TNNI3K: variants seen among roughly 807,000 people sequenced by gnomAD.
TNNI3K encodes TNNI3 interacting kinase.
A neutral mutation model predicts 114.5 loss-of-function variants in TNNI3K; 140 were observed. The ratio of observed to expected loss-of-function variants is 1.22; its 90% confidence interval spans 1.07 to 1.41. The LOEUF (loss-of-function observed/expected upper bound fraction) is 1.41, where lower values mean the gene tolerates loss of function less well. Among genes scored for constraint, TNNI3K ranks in the 40% most tolerant of loss-of-function variants. TNNI3K has a pLI of 0.00. For missense variants in TNNI3K, 1,125 were observed against 1,007.6 expected (o/e 1.12, Z -1.58); for synonymous variants, 347 against 347.5 (o/e 1.00, Z 0.02).
chr1:74,240,643 T>C (rs1654132966), intron 2 of TNNI3K: 1 of 152,218 alleles, frequency 6.6e-6, no homozygotes, highest in Non-Finnish European at 1.5e-5. Flanking sequence ...TTTGTTTCAA[T>C]AGTTTTTATC....
chr1:74,491,633 C>G (rs536385125), intron 22 of TNNI3K, among the ~76,000 whole-genome samples: 2 of 152,246 alleles, frequency 1.3e-5, no homozygotes, highest in African/African-American at 2.4e-5. Flanking sequence ...CACATTAAAG[C>G]ATTTTTCGTC....
chr1:74,355,418 A>T (rs1294880797), intron 11 of TNNI3K, among the ~76,000 whole-genome samples: 1 of 152,086 alleles, frequency 6.6e-6, no homozygotes, highest in Non-Finnish European at 1.5e-5. Context: ...AGCCTGGCCA[A>T]CATGGTGAAA....
chr1:74,439,369 A>G, intron 19 of TNNI3K, 121 bp from the exon 20 acceptor site: 1 of 1,453,610 alleles, frequency 6.9e-7, no homozygotes, highest in Non-Finnish European at 9.2e-7. Context: ...ATGTTAATTT[A>G]TATTTATGCC....
chr1:74,467,006 C>T (rs1336968938), intron 21 of TNNI3K, among the ~76,000 whole-genome samples: 2 of 152,160 alleles, frequency 1.3e-5, no homozygotes, highest in Non-Finnish European at 2.9e-5. Flanking sequence ...TATACTAAAA[C>T]AATACTACTC....
intron 16 of TNNI3K, 65 bp from the exon 17 acceptor site, chr1:74,370,220 ACAT>A: frequency 1.5e-6 from 2 of 1,363,350 alleles, no homozygotes; most frequent in Admixed American, 2.3e-5. Context: ...CAACTCTTAC[ACAT>A]CATTTGCTTT....
intron 15 of TNNI3K, 31 bp downstream of exon 15, chr1:74,369,295 C>A (rs1376102782): frequency 6.2e-7 from 1 of 1,610,460 alleles, no homozygotes; most frequent in East Asian, 2.2e-5. Flanking sequence ...ATTTAACATC[C>A]AGGTGGAATT....
Position 74,369,142 on chromosome 1 carries a change from G to T in TNNI3K, c.1414+28G>T, listed in dbSNP as rs1342411813. ...AACCTAAAATAAATAAATAAATAAAGGTCCGGTTTAGTTGAATGAGCTTAA... is the reference window on the plus strand; with the variant it reads ...AACCTAAAATAAATAAATAAATAAATGTCCGGTTTAGTTGAATGAGCTTAA... On this transcript the variant is annotated intron_variant, in intron 14 of 24. Coordinates refer to ENST00000326637, the MANE Select transcript of TNNI3K (RefSeq NM_015978.3). 1.9e-6 allele frequency: 3 copies of T among 1,596,200 alleles called. No homozygotes were observed. In the African/African-American group the frequency reaches 4.1e-5, roughly 22 times the overall value.
At chr1:74,326,555 T>G (rs1014788243) in intron 5 of TNNI3K, among the ~76,000 whole-genome samples, 1 of 152,206 alleles carries the variant, frequency 6.6e-6, no homozygotes, top group African/African-American at 2.4e-5. Flanking sequence ...TCCTTTTACC[T>G]GGAGTCAAAA....
intron 11 of TNNI3K, among the ~76,000 whole-genome samples, chr1:74,355,728 A>G (rs1330369465): frequency 1.3e-5 from 2 of 152,186 alleles, no homozygotes; most frequent in South Asian, 2.1e-4. Context: ...GCATGCAGTA[A>G]GCGTATAGAC....
At chr1:74,287,458 C>A (rs1657403472) in intron 5 of TNNI3K, among the ~76,000 whole-genome samples, 1 of 152,026 alleles carries the variant, frequency 6.6e-6, no homozygotes, top group Non-Finnish European at 1.5e-5. Context: ...TTTGAAAGCA[C>A]CATGAGAAAA....
At chr1:74,263,715 G>A (rs1655807521) in intron 4 of TNNI3K, among the ~76,000 whole-genome samples, 1 of 151,896 alleles carries the variant, frequency 6.6e-6, no homozygotes, top group Admixed American at 6.6e-5. Flanking sequence ...ATAAGATTGG[G>A]CAATATTTGA....
At chr1:74,456,969 T>G (rs974889628) in intron 20 of TNNI3K, among the ~76,000 whole-genome samples, 1 of 152,120 alleles carries the variant, frequency 6.6e-6, no homozygotes, top group Admixed American at 6.6e-5. Flanking sequence ...GCCATTTGAG[T>G]TTACTACCCC....
chr1:74,240,133 A>G lies in TNNI3K; in HGVS notation c.149+3923A>G. ...GTTGTTTTTATCCATTTATAGGTCT[A>G]TCTCCCCACTAGTATATGTGTTCAT... is the stretch of plus-strand genomic sequence containing the variant. On this transcript the variant is annotated intron_variant, in intron 2 of 24. Coordinates refer to ENST00000326637, the MANE Select transcript of TNNI3K (RefSeq NM_015978.3). 4 of 264,662 alleles carry G rather than the reference A, an allele frequency of 1.5e-5. No individual in the cohort carries two copies. The South Asian group carries it at 1.6e-4, about 11-fold the overall frequency. The allele number at this position is 264,662 out of a possible 1,614,324, so 16.4% of individuals were successfully genotyped here. A position where few individuals can be genotyped will look rare whatever the true frequency, so the allele number is the denominator to read the frequency against.
chr1:74,374,653 C>T (rs948521715), intron 17 of TNNI3K: 12 of 151,980 alleles, frequency 7.9e-5, no homozygotes, highest in Admixed American at 6.6e-4. Context: ...TTCTTTCACA[C>T]TCCATGTTCT....
chr1:74,367,947 T>C lies in TNNI3K; in HGVS notation c.1304T>C (p.Ile435Thr). The C allele has an allele frequency of 1.3e-6, 2 of 1,569,780 alleles. No individual in the cohort carries two copies. The highest frequency in any genetic ancestry group is 1.2e-5 in the South Asian group (1 of 81,810). ...YVSVPSPLGKIKSMTKEKADI... is the reference protein window; with the variant it reads ...YVSVPSPLGKTKSMTKEKADI... ...TCTGTTCCATCACCCTTGGGGAAGA[T>C]TAAAAGCATGACAAAAGGTACCTAT... Residue 435 changes from isoleucine (I) to threonine (T), a missense_variant, in exon 13 of 25, where the codon ATT becomes ACT. Physicochemically the swap from Ile to Thr is moderately conservative, Grantham distance 89 (BLOSUM62 -1). Coordinates refer to ENST00000326637, the MANE Select transcript of TNNI3K (RefSeq NM_015978.3).
At chr1:74,331,837 C>A (rs1338656684) in intron 6 of TNNI3K, among the ~76,000 whole-genome samples, 1 of 152,018 alleles carries the variant, frequency 6.6e-6, no homozygotes, top group African/African-American at 2.4e-5. Flanking sequence ...AGTGTTTTGA[C>A]CAGGTGTAGG....
intron 5 of TNNI3K, among the ~76,000 whole-genome samples, chr1:74,323,366 T>C (rs1479288359): frequency 6.6e-6 from 1 of 152,204 alleles, no homozygotes; most frequent in African/African-American, 2.4e-5. Context: ...TCCTTATCTT[T>C]AAAATGCGGC....
intron 17 of TNNI3K, among the ~76,000 whole-genome samples, chr1:74,379,483 A>G (rs1276524574): frequency 6.6e-6 from 1 of 152,028 alleles, no homozygotes; most frequent in Non-Finnish European, 1.5e-5. Flanking sequence ...AATCCTATTT[A>G]TGAGCTGCAC....
chr1:74,519,381 C>T (rs969546578), intron 23 of TNNI3K, among the ~76,000 whole-genome samples: 1 of 119,904 alleles, frequency 8.3e-6, no homozygotes, highest in East Asian at 2.3e-4. Context: ...GATTTATACT[C>T]ATTTGGGTAT....
Sources: gnomAD v4.1 joint callset for allele counts (sites outside exome capture counted in the v4.1 genomes callset) on GRCh38, gnomAD v4.1.1 for gene constraint, MANE v1.5 for transcripts, NCBI Gene and HGNC (gene_info 2026-07-23, HGNC 2026-07-21) for gene names.